The following RAD50 variants were observed in gnomAD, a reference collection of about 807,000 sequenced individuals.
The protein encoded by RAD50 is DNA repair protein RAD50.
Under a neutral mutation model 168.8 loss-of-function variants are expected in RAD50, and 132 were observed. That is an observed-to-expected ratio of 0.78 (90% CI 0.68 to 0.90). The LOEUF (loss-of-function observed/expected upper bound fraction) is 0.90, where lower values mean the gene tolerates loss of function less well. Among genes scored for constraint, RAD50 ranks in the 40% least tolerant of loss-of-function variants. The pLI is 0.00. For synonymous variants in RAD50, 525 were observed against 497.4 expected (o/e 1.06, Z -0.74); for missense variants, 1,347 against 1,534.4 (o/e 0.88, Z 2.04).
rs771188824 is a variant in RAD50, at chr5:132,575,845, AGC to A, written c.283_284del (p.Ala95CysfsTer17). 6.2e-7 allele frequency: 1 copy of A among 1,602,550 alleles called. No individual in the cohort carries two copies. The highest frequency in any genetic ancestry group is 8.6e-7 in the Non-Finnish European group (1 of 1,169,488). ...TTCGTGATGTCAATGGAGAACTTAT[AGC>A]TGTGCAAAGATCTATGGTGTGTACT... Reference protein sequence around the residue: ...QFRDVNGELIAVQRSMVCTQK... With the variant: ...QFRDVNGELIXVQRSMVCTQK... On this transcript the variant is annotated frameshift_variant, in exon 3 of 25. Transcript: ENST00000378823. LOFTEE classifies it high-confidence loss of function.
Position 132,592,006 on chromosome 5 carries a change from C to T in RAD50, c.1765C>T (p.Gln589Ter), listed in dbSNP as rs1561641132. The change falls in exon 11 of 25, where the codon CAG (glutamine) becomes TAG (stop). Residue 589 changes from glutamine to a stop codon, truncating the protein, a stop_gained. Coordinates refer to ENST00000378823, the MANE Select transcript of RAD50 (RefSeq NM_005732.4). LOFTEE classifies it high-confidence loss of function. Reference sequence around the variant, plus strand: ...ACATAGTAAATCAAAAGAAATTAATCAGACCAGGGACAGACTTGCCAAATT... The same window carrying T: ...ACATAGTAAATCAAAAGAAATTAATTAGACCAGGGACAGACTTGCCAAATT... ...WLHSKSKEIN[Q>*]TRDRLAKLNK... The T allele has an allele frequency of 1.2e-6, 2 of 1,612,988 alleles. No individual in the cohort carries two copies. Among genetic ancestry groups the T allele is most frequent in the Non-Finnish European group, 8.5e-7 (1 of 1,179,270 alleles).
chr5:132,592,512 G>A (rs1750721240), intron 11 of RAD50, among the ~76,000 whole-genome samples: 1 of 152,170 alleles, frequency 6.6e-6, no homozygotes, highest in African/African-American at 2.4e-5. Flanking sequence ...ACATTGTTGT[G>A]GTGGAAAAGG....
At chr5:132,635,769 G>A (rs1751568754) in intron 21 of RAD50, among the ~76,000 whole-genome samples, 1 of 152,130 alleles carries the variant, frequency 6.6e-6, no homozygotes, top group African/African-American at 2.4e-5. Context: ...CTATGGAAAG[G>A]CAGTCTTTAC....
chr5:132,564,734 G>T (rs1427038723), intron 2 of RAD50, among the ~76,000 whole-genome samples: 1 of 152,034 alleles, frequency 6.6e-6, no homozygotes, highest in East Asian at 1.9e-4. Context: ...TGGCTAGAAG[G>T]CATTTCAGAG....
rs574310002 is a variant in RAD50 at position 132,578,969 on chromosome 5, A to C, written c.366-348A>C. On this transcript the variant is annotated intron_variant, in intron 3 of 24. Coordinates refer to ENST00000378823, the MANE Select transcript of RAD50 (RefSeq NM_005732.4). ...TTTAACTTACCTTTGCCTGTCTGCT[A>C]TTGATCATCATGTTTTGTTTTATTC... 1.7e-3 allele frequency among the ~76,000 whole-genome samples: 266 copies of C among 152,332 alleles called. 1 individual carries two copies. Among genetic ancestry groups the C allele is most frequent in the African/African-American group, 6.2e-3 (256 of 41,584 alleles).
Position 132,610,273 on chromosome 5 carries a change from T to C in RAD50, c.3036+877T>C, listed in dbSNP as rs532961561. 5.9e-5 allele frequency among the ~76,000 whole-genome samples: 9 copies of C among 152,264 alleles called. No homozygotes were observed. The East Asian group carries it at 1.7e-3, about 29-fold the overall frequency. Reference sequence around the variant, plus strand: ...TAACATGTATCTGTATCTTTTCTTATTCTAACATATCTTTATGTAGCATAA... The same window carrying C: ...TAACATGTATCTGTATCTTTTCTTACTCTAACATATCTTTATGTAGCATAA... On this transcript the variant is annotated intron_variant, in intron 19 of 24. Coordinates refer to ENST00000378823, the MANE Select transcript of RAD50 (RefSeq NM_005732.4).
At chr5:132,640,562 C>T (rs1751695671) in intron 23 of RAD50, 110 bp from the exon 24 acceptor site, 1 of 1,459,686 alleles carries the variant, frequency 6.9e-7, no homozygotes, top group Non-Finnish European at 9.6e-7. Flanking sequence ...TAACAGTGAA[C>T]CTGTGACGTT....
At chr5:132,597,391 C>G (rs1321248831) in intron 13 of RAD50, among the ~76,000 whole-genome samples, 1 of 152,144 alleles carries the variant, frequency 6.6e-6, no homozygotes, top group African/African-American at 2.4e-5. Flanking sequence ...CATGGCCTTT[C>G]CAACATTAGG....
At position 132,580,932 on chromosome 5, in the gene RAD50, T is replaced by G. The variant is rs56749316; in HGVS notation, c.756+866T>G. Among the ~76,000 whole-genome samples, 689 of 152,268 alleles carry G rather than the reference T, an allele frequency of 4.5e-3. 9 individuals carry two copies. The highest frequency in any genetic ancestry group is 0.016 in the African/African-American group (654 of 41,560). ...AAAAACTCACCTGTAAATACCAGTA[T>G]AGATCTTTGAATCATGAAGTAGAAA... On this transcript the variant is annotated intron_variant, in intron 5 of 24. Coordinates refer to ENST00000378823, the MANE Select transcript of RAD50 (RefSeq NM_005732.4).
chr5:132,607,659 GCAA>G (rs555813675), intron 16 of RAD50, among the ~76,000 whole-genome samples: 248 of 152,200 alleles, frequency 1.6e-3, no homozygotes, highest in African/African-American at 5.8e-3. Context: ...CAGTGCCTCA[GCAA>G]CCCTATTTAG....
chr5:132,627,838 T>C (rs562295124), intron 21 of RAD50, among the ~76,000 whole-genome samples: 28 of 152,256 alleles, frequency 1.8e-4, no homozygotes, highest in African/African-American at 6.5e-4. Context: ...AAGCAGAGAC[T>C]GATGAGGAGA....
intron 5 of RAD50, among the ~76,000 whole-genome samples, chr5:132,582,187 G>A (rs1248970084): frequency 6.6e-6 from 1 of 152,190 alleles, no homozygotes; most frequent in Non-Finnish European, 1.5e-5. Flanking sequence ...TGATGTCAAG[G>A]TAGGGCTAAA....
rs116692693 is a variant in RAD50 at position 132,573,693 on chromosome 5, C to T, written c.214-2084C>T. ...ATAAGGCAAGTCCCTTCTGCCTATGCGCCTGTAAACTCAAAAGCAAGTTAG... is the reference window on the plus strand; with the variant it reads ...ATAAGGCAAGTCCCTTCTGCCTATGTGCCTGTAAACTCAAAAGCAAGTTAG... On this transcript the variant is annotated intron_variant, in intron 2 of 24. Coordinates refer to ENST00000378823, the MANE Select transcript of RAD50 (RefSeq NM_005732.4). 7.2e-3 allele frequency among the ~76,000 whole-genome samples: 1,099 copies of T among 152,276 alleles called. 7 individuals are homozygous for T. Among genetic ancestry groups the T allele is most frequent in the Middle Eastern group, 0.021 (6 of 292 alleles).
intron 2 of RAD50, among the ~76,000 whole-genome samples, chr5:132,570,269 T>G (rs1750278364): frequency 6.7e-6 from 1 of 149,640 alleles, no homozygotes; most frequent in African/African-American, 2.5e-5. Flanking sequence ...TACAAGAAAA[T>G]GGGGGGGGAA....
At chr5:132,638,894 A>G (rs1171727494) in intron 23 of RAD50, among the ~76,000 whole-genome samples, 4 of 152,228 alleles carry the variant, frequency 2.6e-5, no homozygotes, top group Non-Finnish European at 1.5e-5. Context: ...ACAGGTTTGT[A>G]ACAAAGATGT....
chr5:132,591,544 TA>T, intron 10 of RAD50, 138 bp downstream of exon 10: 2 of 831,206 alleles, frequency 2.4e-6, no homozygotes, highest in South Asian at 3.4e-5. Flanking sequence ...GTACTCTATA[TA>T]ATAGACTTTC....
At chr5:132,611,001 G>A (rs564412408) in intron 19 of RAD50, among the ~76,000 whole-genome samples, 2 of 152,314 alleles carry the variant, frequency 1.3e-5, no homozygotes, top group Non-Finnish European at 2.9e-5. Flanking sequence ...ACAAGGCAGT[G>A]TAGAAATAAG....
intron 7 of RAD50, 47 bp from the exon 8 acceptor site, chr5:132,588,640 T>C (rs1750638884): frequency 3.2e-6 from 5 of 1,544,534 alleles, no homozygotes; most frequent in Non-Finnish European, 4.4e-6. Context: ...ATCTCAACTT[T>C]TTAAGCACCA....
intron 11 of RAD50, chr5:132,592,912 C>G (rs762932978): frequency 1.3e-5 from 6 of 470,100 alleles, no homozygotes; most frequent in African/African-American, 1.2e-4. Context: ...TCAAGTAGAA[C>G]GTTTACTCAA....
Sources: allele counts gnomAD v4.1 joint callset (sites outside exome capture counted in the v4.1 genomes callset), GRCh38; gene constraint gnomAD v4.1.1; transcripts MANE v1.5; gene names NCBI Gene and HGNC (gene_info 2026-07-23, HGNC 2026-07-21).